Variants in CNOT4 observed in about 807,000 individuals in gnomAD.
CNOT4 encodes the protein CCR4-associated factor 4.
A neutral mutation model predicts 73.8 loss-of-function variants in CNOT4; 8 were observed. The observed-to-expected ratio is 0.11, with a 90% CI of 0.06 to 0.20. The LOEUF (loss-of-function observed/expected upper bound fraction) is 0.20, where lower values mean the gene tolerates loss of function less well. Ranked by LOEUF, CNOT4 falls within the 10% of genes least tolerant of loss-of-function variation. The pLI, the probability that CNOT4 is intolerant of heterozygous loss-of-function variation, is 1.00. For missense variants in CNOT4, 564 were observed against 883.4 expected (o/e 0.64, Z 4.58); for synonymous variants, 293 against 321.1 (o/e 0.91, Z 0.94).
At chr7:135,382,164 T>C (rs187245295) in intron 10 of CNOT4, among the ~76,000 whole-genome samples, 82 of 152,330 alleles carry the variant, frequency 5.4e-4, no homozygotes, top group Non-Finnish European at 1.1e-3. Context: ...CTCTCAGTTC[T>C]AGGTACCTAA....
chr7:135,373,163 T>A (rs1795313205), intron 10 of CNOT4, among the ~76,000 whole-genome samples: 1 of 152,066 alleles, frequency 6.6e-6, no homozygotes, highest in Admixed American at 6.6e-5. Flanking sequence ...AAAGTCAGAA[T>A]CCATAATGAT....
At chr7:135,471,597 A>G (rs1376510056) in intron 1 of CNOT4, among the ~76,000 whole-genome samples, 1 of 152,208 alleles carries the variant, frequency 6.6e-6, no homozygotes, top group Non-Finnish European at 1.5e-5. Flanking sequence ...GCAGCCTTGA[A>G]AGTAAATTAT....
chr7:135,441,943 C>G (rs972549838), intron 1 of CNOT4, among the ~76,000 whole-genome samples: 1 of 152,112 alleles, frequency 6.6e-6, no homozygotes, highest in Non-Finnish European at 1.5e-5. Flanking sequence ...TGGAGAGAAG[C>G]CACAGAAGCC....
intron 1 of CNOT4, among the ~76,000 whole-genome samples, chr7:135,495,691 AAAGAAAGAAAGAAAG>A (rs1803486724): frequency 1.5e-4 from 2 of 13,100 alleles, no homozygotes; most frequent in Non-Finnish European, 3.1e-4. Context: ...AAAAAAAAAA[AAAGAAAGAAAGAAAG>A]AAAGAAAGAA....
rs772912218 is a variant in CNOT4, at chr7:135,422,348, A to G, written c.180T>C (p.Tyr60=). The change falls in exon 3 of 12, where the codon TAT becomes TAC. Residue 60 remains tyrosine (Y), a synonymous_variant. Transcript: ENST00000541284. ...GTTTATAAACTGCTGGGTCTTCTGG[A>G]TATGGCTTTAAGCATGAAACAAACA... is the stretch of plus-strand genomic sequence containing the variant. The part of the protein sequence containing the change: ...NGLCPACRKP[Y]PEDPAVYKPL... 7.0e-7 allele frequency: 1 copy of G among 1,433,576 alleles called. No homozygotes were observed. The highest frequency in any genetic ancestry group is 2.3e-5 in the East Asian group (1 of 44,028). 88.8% of individuals were successfully genotyped at this position (1,433,576 alleles called of 1,614,324 possible). A position where few individuals can be genotyped will look rare whatever the true frequency, so the allele number is the denominator to read the frequency against.
intron 10 of CNOT4, chr7:135,386,287 A>G (rs1585565587): frequency 1.3e-5 from 2 of 152,030 alleles, no homozygotes; most frequent in African/African-American, 2.4e-5. Context: ...TGTACTCTCA[A>G]AAATCTGGGC....
At chr7:135,421,047 T>C (rs1445044501) in intron 3 of CNOT4, among the ~76,000 whole-genome samples, 1 of 152,194 alleles carries the variant, frequency 6.6e-6, no homozygotes, top group Non-Finnish European at 1.5e-5. Flanking sequence ...GTTGCCTCCA[T>C]GTTTATCATC....
chr7:135,379,030 A>G (rs1795686644), intron 10 of CNOT4, among the ~76,000 whole-genome samples: 1 of 151,794 alleles, frequency 6.6e-6, no homozygotes, highest in Admixed American at 6.6e-5. Flanking sequence ...GGGAAAATTC[A>G]AGCCTGTCAG....
chr7:135,391,078 C>T (rs73158925), intron 10 of CNOT4, among the ~76,000 whole-genome samples: 1 of 152,098 alleles, frequency 6.6e-6, no homozygotes. Flanking sequence ...AAGTGAGTTA[C>T]AACAGGTGCA....
chr7:135,488,821 C>T (rs185200598), intron 1 of CNOT4, among the ~76,000 whole-genome samples: 1 of 152,148 alleles, frequency 6.6e-6, no homozygotes, highest in Admixed American at 6.5e-5. Context: ...CTCTGATACT[C>T]ATAATTTCAA....
chr7:135,461,977 G>C (rs1800905408), intron 1 of CNOT4, among the ~76,000 whole-genome samples: 5 of 151,612 alleles, frequency 3.3e-5, no homozygotes, highest in Admixed American at 3.3e-4. Flanking sequence ...TTTAAAAAAG[G>C]ATAAGAACTG....
At chr7:135,465,970 A>C (rs1801195703) in intron 1 of CNOT4, among the ~76,000 whole-genome samples, 1 of 151,770 alleles carries the variant, frequency 6.6e-6, no homozygotes, top group South Asian at 2.1e-4. Context: ...AATCGCTTGA[A>C]CCTGGGAGGC....
At chr7:135,499,570 CAG>C (rs979033962) in intron 1 of CNOT4, among the ~76,000 whole-genome samples, 3 of 152,008 alleles carry the variant, frequency 2.0e-5, no homozygotes, top group African/African-American at 4.8e-5. Context: ...ATTTTTCAAA[CAG>C]GGAGTCGTTT....
intron 10 of CNOT4, chr7:135,384,445 C>A: frequency 4.5e-6 from 2 of 442,620 alleles, no homozygotes; most frequent in Non-Finnish European, 8.3e-6. Context: ...CCACCACGCC[C>A]AGCTAATTTT....
At position 135,447,189 on chromosome 7, in the gene CNOT4, TTAGAC is replaced by T. The variant is rs1241440395; in HGVS notation, c.-92-8771_-92-8767del. Reference sequence around the variant, plus strand: ...CTTTAAGTTGTCCATTGTTTCTGTATTAGACACATTTCACAAAGCATGTTATTTAC... The same window carrying T: ...CTTTAAGTTGTCCATTGTTTCTGTATACATTTCACAAAGCATGTTATTTAC... On this transcript the variant is annotated intron_variant, in intron 1 of 11. Transcript: ENST00000541284. Among the ~76,000 whole-genome samples, 23 of 106,726 alleles carry T rather than the reference TTAGAC, an allele frequency of 2.2e-4. 6 individuals carry two copies. The highest frequency in any genetic ancestry group is 4.4e-4 in the Non-Finnish European group (18 of 41,206). The allele number at this position is 106,726 out of a possible 152,430, so 70.0% of individuals were successfully genotyped here.
intron 1 of CNOT4, among the ~76,000 whole-genome samples, chr7:135,447,882 C>A (rs962924362): frequency 1.3e-5 from 2 of 152,130 alleles, no homozygotes; most frequent in Admixed American, 6.6e-5. Flanking sequence ...GGCTAAGAAG[C>A]AATTTATGTC....
chr7:135,469,486 C>G (rs897237390), intron 1 of CNOT4, among the ~76,000 whole-genome samples: 6 of 152,150 alleles, frequency 3.9e-5, no homozygotes, highest in African/African-American at 1.4e-4. Context: ...ACCTTTAACT[C>G]AATCTACAAA....
chr7:135,434,104 T>C (rs922234823), intron 2 of CNOT4, among the ~76,000 whole-genome samples: 3 of 152,166 alleles, frequency 2.0e-5, no homozygotes, highest in Admixed American at 6.5e-5. Context: ...ATCATCTCAA[T>C]ATGCCACCTC....
chr7:135,460,010 A>G (rs1800777241), intron 1 of CNOT4, among the ~76,000 whole-genome samples: 1 of 152,218 alleles, frequency 6.6e-6, no homozygotes. Flanking sequence ...TCATGAGCCA[A>G]TCTCAGCTAG....
Sources: allele counts gnomAD v4.1 joint callset (sites outside exome capture counted in the v4.1 genomes callset), GRCh38; gene constraint gnomAD v4.1.1; transcripts MANE v1.5; gene names NCBI Gene and HGNC (gene_info 2026-07-23, HGNC 2026-07-21).